The following KIAA1549L variants were observed in gnomAD, a reference collection of about 807,000 sequenced individuals.
KIAA1549L encodes the protein KIAA1549 like.
KIAA1549L carries 88 observed loss-of-function variants against 160.7 expected under a neutral mutation model. The ratio of observed to expected loss-of-function variants is 0.55; its 90% CI spans 0.46 to 0.65. KIAA1549L has a LOEUF of 0.65. Among genes scored for constraint, KIAA1549L ranks in the 30% least tolerant of loss-of-function variants. KIAA1549L has a pLI of 0.00. For synonymous variants in KIAA1549L, 950 were observed against 976.7 expected, an observed-to-expected ratio of 0.97 and a Z score of 0.51; for missense variants, 2,258 against 2,437.5, an observed-to-expected ratio of 0.93 and a Z score of 1.55.
chr11:33,597,795 G>A (rs1850241283), intron 12 of KIAA1549L, among the ~76,000 whole-genome samples: 1 of 152,164 alleles, frequency 6.6e-6, no homozygotes, highest in Non-Finnish European at 1.5e-5. Flanking sequence ...GTATGGGACA[G>A]CAAAGGGAAG....
intron 18 of KIAA1549L, among the ~76,000 whole-genome samples, chr11:33,658,296 A>G (rs1207839186): frequency 1.3e-5 from 2 of 152,044 alleles, no homozygotes; most frequent in East Asian, 3.9e-4. Flanking sequence ...GTGGCTCCCC[A>G]GCTGTCCCGG....
At chr11:33,454,759 G>A (rs1851787491) in intron 1 of KIAA1549L, among the ~76,000 whole-genome samples, 1 of 152,166 alleles carries the variant, frequency 6.6e-6, no homozygotes, top group South Asian at 2.1e-4. Context: ...GGAGAAATAA[G>A]ATGAAAAGGA....
intron 1 of KIAA1549L, among the ~76,000 whole-genome samples, chr11:33,392,389 C>T (rs1447331896): frequency 6.6e-6 from 1 of 152,162 alleles, no homozygotes; most frequent in African/African-American, 2.4e-5. Context: ...TTGCAGACAT[C>T]AGTACATGTC....
chr11:33,622,495 A>G (rs1350417729), intron 16 of KIAA1549L, among the ~76,000 whole-genome samples: 1 of 152,182 alleles, frequency 6.6e-6, no homozygotes, highest in South Asian at 2.1e-4. Flanking sequence ...ACAGAACCAG[A>G]GTTAAGGACT....
At chr11:33,461,690 A>G (rs1203410576) in intron 1 of KIAA1549L, among the ~76,000 whole-genome samples, 1 of 152,194 alleles carries the variant, frequency 6.6e-6, no homozygotes, top group Non-Finnish European at 1.5e-5. Context: ...AAATCAGCCA[A>G]CATTTACAGA....
At chr11:33,550,837 A>G (rs1854435035) in intron 4 of KIAA1549L, among the ~76,000 whole-genome samples, 1 of 152,204 alleles carries the variant, frequency 6.6e-6, no homozygotes, top group African/African-American at 2.4e-5. Flanking sequence ...GGTTTGATGT[A>G]AATTATATTT....
rs116466154 is a variant in KIAA1549L at position 33,523,094 on chromosome 11, A to G, written c.239-18708A>G. Reference sequence around the variant, plus strand: ...GGAATGACAAAGAGTGTGTTTTCTGATTCTACAATGGATTCTGTCTACCCA... The same window carrying G: ...GGAATGACAAAGAGTGTGTTTTCTGGTTCTACAATGGATTCTGTCTACCCA... On this transcript the variant is annotated intron_variant, in intron 1 of 20. Transcript: ENST00000658780. Among the ~76,000 whole-genome samples the G allele has an allele frequency of 7.1e-3, 1,079 of 152,276 alleles. 17 individuals carry two copies. Among genetic ancestry groups the G allele is most frequent in the African/African-American group, 0.025 (1,042 of 41,550 alleles).
intron 6 of KIAA1549L, among the ~76,000 whole-genome samples, chr11:33,557,153 A>AT (rs1390830474): frequency 2.0e-5 from 3 of 151,850 alleles, no homozygotes; most frequent in East Asian, 1.9e-4. Flanking sequence ...ATGCTTGGCA[A>AT]TTTTTTTCTA....
At position 33,543,904 on chromosome 11, in the gene KIAA1549L, A is replaced by G. The variant is rs201621980; in HGVS notation, c.2341A>G (p.Thr781Ala). 151 of 1,613,928 alleles carry G rather than the reference A, an allele frequency of 9.4e-5. No homozygotes were observed. The highest frequency in any genetic ancestry group is 6.0e-4 in the Admixed American group (36 of 60,008). ...GFSIQDLVLG[T>A]SIEQPVQQSD... ...TAGTATTCAGGATCTAGTCCTCGGT[A>G]CAAGCATTGAGCAGCCTGTGCAACA... The change falls in exon 2 of 21, where the codon ACA (threonine) becomes GCA (alanine). Residue 781 changes from threonine (T) to alanine (A), a missense_variant. By Grantham distance (58) the Thr-to-Ala change is moderately conservative (BLOSUM62 0). Transcript: ENST00000658780.
At chr11:33,467,187 T>A (rs1233795734) in intron 1 of KIAA1549L, among the ~76,000 whole-genome samples, 1 of 152,006 alleles carries the variant, frequency 6.6e-6, no homozygotes, top group Non-Finnish European at 1.5e-5. Context: ...GCACTTGACA[T>A]GTAAAGATGT....
At chr11:33,530,359 G>A (rs536062947) in intron 1 of KIAA1549L, among the ~76,000 whole-genome samples, 27 of 144,164 alleles carry the variant, frequency 1.9e-4, no homozygotes, top group Non-Finnish European at 3.0e-4. Context: ...CCGAGTTTGC[G>A]CCACTGCACT....
chr11:33,514,928 GCTTA>G (rs1471321278), intron 1 of KIAA1549L, among the ~76,000 whole-genome samples: 2 of 152,146 alleles, frequency 1.3e-5, no homozygotes, highest in African/African-American at 4.8e-5. Flanking sequence ...TTGCCTTAAT[GCTTA>G]CTTGGTGCAT....
At chr11:33,465,273 C>G (rs921659513) in intron 1 of KIAA1549L, among the ~76,000 whole-genome samples, 1 of 152,014 alleles carries the variant, frequency 6.6e-6, no homozygotes, top group African/African-American at 2.4e-5. Context: ...AGGCTACTCT[C>G]AAACTCCTGA....
At chr11:33,462,241 A>G (rs1043648484) in intron 1 of KIAA1549L, among the ~76,000 whole-genome samples, 3 of 152,178 alleles carry the variant, frequency 2.0e-5, no homozygotes, top group African/African-American at 4.8e-5. Context: ...TTCTCTGGAT[A>G]TGTTTACTTT....
intron 1 of KIAA1549L, among the ~76,000 whole-genome samples, chr11:33,443,170 T>C (rs1461518100): frequency 2.0e-5 from 3 of 152,198 alleles, no homozygotes; most frequent in Non-Finnish European, 2.9e-5. Context: ...ATTCGTTTAC[T>C]CTTATTTTTT....
At chr11:33,652,381 C>T (rs1028789476) in intron 17 of KIAA1549L, among the ~76,000 whole-genome samples, 3 of 152,150 alleles carry the variant, frequency 2.0e-5, no homozygotes, top group Non-Finnish European at 2.9e-5. Flanking sequence ...TTGTGTGGCT[C>T]GCTGTCCTGG....
chr11:33,500,622 A>T (rs1852925741), intron 1 of KIAA1549L, among the ~76,000 whole-genome samples: 1 of 152,142 alleles, frequency 6.6e-6, no homozygotes, highest in African/African-American at 2.4e-5. Flanking sequence ...AGTTAACAGT[A>T]GTTTATTATA....
chr11:33,525,915 A>G lies in KIAA1549L; in HGVS notation c.239-15887A>G, dbSNP rs140856385. Among the ~76,000 whole-genome samples, 236 of 152,034 alleles carry G rather than the reference A, an allele frequency of 1.6e-3. No homozygotes were observed. In the South Asian group the frequency reaches 0.025, roughly 16 times the overall value. On this transcript the variant is annotated intron_variant, in intron 1 of 20. Coordinates refer to ENST00000658780, the MANE Select transcript of KIAA1549L (RefSeq NM_012194.3). ...ATAATTCTCCTGGGAACATAACTCT[A>G]TTGGCCTGAGAACCACCCGCACCGC...
At chr11:33,463,326 T>G (rs1046382125) in intron 1 of KIAA1549L, among the ~76,000 whole-genome samples, 8 of 152,294 alleles carry the variant, frequency 5.3e-5, no homozygotes, top group African/African-American at 1.9e-4. Context: ...CTCTTAACTA[T>G]TCTTCCTTTT....
Sources: allele counts gnomAD v4.1 joint callset (sites outside exome capture counted in the v4.1 genomes callset), GRCh38; gene constraint gnomAD v4.1.1; transcripts MANE v1.5; gene names NCBI Gene and HGNC (gene_info 2026-07-23, HGNC 2026-07-21).